Variants in TSC22D1 observed in about 807,000 individuals in gnomAD.
TSC22D1 encodes TSC22 domain family protein 1.
A neutral mutation model predicts 74.2 loss-of-function variants in TSC22D1; 9 were observed. The ratio of observed to expected loss-of-function variants is 0.12; its 90% confidence interval spans 0.07 to 0.21. The LOEUF is 0.21. Among genes scored for constraint, TSC22D1 ranks in the 10% least tolerant of loss-of-function variants. The pLI is 1.00. For synonymous variants in TSC22D1, 586 were observed against 492.5 expected (o/e 1.19, Z -2.51); for missense variants, 1,427 against 1,304.7 (o/e 1.09, Z -1.44).
At chr13:44,489,206 C>CAAAAAAAAAA (rs34867283) in intron 1 of TSC22D1, among the ~76,000 whole-genome samples, 1 of 134,690 alleles carries the variant, frequency 7.4e-6, no homozygotes. Flanking sequence ...TCATTTCATG[C>CAAAAAAAAAA]AAAAAAAAAA....
intron 1 of TSC22D1, among the ~76,000 whole-genome samples, chr13:44,495,704 C>T (rs534403820): frequency 1.6e-4 from 24 of 152,114 alleles, no homozygotes; most frequent in Non-Finnish European, 2.6e-4. Context: ...TAAACACCTA[C>T]ATCTACAACC....
rs1884089854 is a variant in TSC22D1, at chr13:44,574,861, G to A, written c.1214C>T (p.Ser405Leu). 2 of 1,614,018 alleles carry A rather than the reference G, an allele frequency of 1.2e-6. No individual in the cohort carries two copies. Among genetic ancestry groups the A allele is most frequent in the Non-Finnish European group, 1.7e-6 (2 of 1,180,006 alleles). The change falls in exon 1 of 3, where the codon TCG becomes TTG. Residue 405 changes from serine (S) to leucine (L), a missense_variant. This residue lies in a region of TSC22D1 where 1,343 missense variants were observed against 1,191.5 expected (regional missense o/e 1.13). Coordinates refer to ENST00000458659, the MANE Select transcript of TSC22D1 (RefSeq NM_183422.4). ...SQQQQPTVNT[S>L]RFRVVKLDSS... ...ATCTAACTTCACAACTCTGAACCTC[G>A]AAGTGTTAACTGTTGGTTGTTGCTG...
intron 1 of TSC22D1, among the ~76,000 whole-genome samples, chr13:44,533,130 T>C (rs373337243): frequency 3.3e-5 from 5 of 152,030 alleles, no homozygotes; most frequent in African/African-American, 1.2e-4. Flanking sequence ...CAAGTAAAAA[T>C]GGCATGGGAG....
At chr13:44,439,986 G>A (rs1269053374) in intron 1 of TSC22D1, among the ~76,000 whole-genome samples, 1 of 152,120 alleles carries the variant, frequency 6.6e-6, no homozygotes, top group East Asian at 1.9e-4. Context: ...AAGAAGCGAA[G>A]GCACATTACC....
chr13:44,526,834 A>G (rs745617206), intron 1 of TSC22D1, among the ~76,000 whole-genome samples: 22 of 152,226 alleles, frequency 1.4e-4, no homozygotes, highest in Non-Finnish European at 2.6e-4. Context: ...ACAGAGGCAG[A>G]AAGTTTGGAG....
At chr13:44,495,091 T>C (rs1189371067) in intron 1 of TSC22D1, among the ~76,000 whole-genome samples, 1 of 151,492 alleles carries the variant, frequency 6.6e-6, no homozygotes, top group East Asian at 1.9e-4. Flanking sequence ...TGAAGAAAAA[T>C]GAATGGAGGC....
At chr13:44,446,547 T>G (rs1308278453) in intron 1 of TSC22D1, among the ~76,000 whole-genome samples, 3 of 152,124 alleles carry the variant, frequency 2.0e-5, no homozygotes, top group African/African-American at 7.2e-5. Flanking sequence ...CGTTCACCAC[T>G]TGGGCAACGG....
chr13:44,508,399 C>T (rs1392348668), intron 1 of TSC22D1, among the ~76,000 whole-genome samples: 2 of 152,090 alleles, frequency 1.3e-5, no homozygotes, highest in African/African-American at 4.8e-5. Flanking sequence ...CTTAACTTTT[C>T]CATGGAGTAA....
intron 1 of TSC22D1, among the ~76,000 whole-genome samples, chr13:44,494,610 G>A (rs529417966): frequency 2.6e-5 from 4 of 151,648 alleles, no homozygotes; most frequent in African/African-American, 9.7e-5. Context: ...ACCCACACAA[G>A]CAACAAAAAC....
intron 1 of TSC22D1, among the ~76,000 whole-genome samples, chr13:44,467,592 A>T (rs1877363903): frequency 6.6e-6 from 1 of 152,224 alleles, no homozygotes; most frequent in African/African-American, 2.4e-5. Context: ...GGATATGAAT[A>T]GATATTTCTC....
chr13:44,529,123 T>C (rs1010928280), intron 1 of TSC22D1, among the ~76,000 whole-genome samples: 6 of 151,978 alleles, frequency 3.9e-5, no homozygotes, highest in African/African-American at 1.4e-4. Flanking sequence ...AAAAAGATAA[T>C]ACTAGAAAGG....
intron 1 of TSC22D1, chr13:44,437,334 C>T: frequency 1.1e-6 from 1 of 874,558 alleles, no homozygotes; most frequent in Non-Finnish European, 1.4e-6. Flanking sequence ...CTAGTTCTTA[C>T]CGGCAGCGGT....
At chr13:44,455,648 C>G (rs943088939) in intron 1 of TSC22D1, among the ~76,000 whole-genome samples, 10 of 152,142 alleles carry the variant, frequency 6.6e-5, no homozygotes, top group African/African-American at 2.4e-4. Context: ...AATTTAAGCA[C>G]TAGATATGCA....
At position 44,451,901 on chromosome 13, in the gene TSC22D1, G is replaced by A. The variant is rs117995874; in HGVS notation, c.2913-15806C>T. Among the ~76,000 whole-genome samples, 8 of 152,336 alleles carry A rather than the reference G, an allele frequency of 5.3e-5. No individual in the cohort carries two copies. In the East Asian group the frequency reaches 1.5e-3, roughly 29 times the overall value. Reference sequence around the variant, plus strand: ...GACATCCGCCATGGCTGACCGAGGAGAGGACTGCAAACTCACCAAGGGCTC... The same window carrying A: ...GACATCCGCCATGGCTGACCGAGGAAAGGACTGCAAACTCACCAAGGGCTC... On this transcript the variant is annotated intron_variant, in intron 1 of 2. Coordinates refer to ENST00000458659, the MANE Select transcript of TSC22D1 (RefSeq NM_183422.4).
intron 1 of TSC22D1, among the ~76,000 whole-genome samples, chr13:44,515,143 G>A (rs1305610418): frequency 6.6e-6 from 1 of 152,050 alleles, no homozygotes. Context: ...TTTAACTTAT[G>A]AATATATATA....
At chr13:44,561,237 C>T (rs917420641) in intron 1 of TSC22D1, among the ~76,000 whole-genome samples, 1 of 152,128 alleles carries the variant, frequency 6.6e-6, no homozygotes, top group African/African-American at 2.4e-5. Flanking sequence ...TGATTCAAAC[C>T]ATTATCTCAG....
At chr13:44,509,470 C>T (rs1423469167) in intron 1 of TSC22D1, among the ~76,000 whole-genome samples, 1 of 152,196 alleles carries the variant, frequency 6.6e-6, no homozygotes, top group Non-Finnish European at 1.5e-5. Context: ...GAAACCCCGT[C>T]TCTATTAAAA....
intron 1 of TSC22D1, among the ~76,000 whole-genome samples, chr13:44,514,195 A>G (rs1361452334): frequency 6.6e-6 from 1 of 152,220 alleles, no homozygotes; most frequent in Non-Finnish European, 1.5e-5. Context: ...GCAAAAAAAT[A>G]CAATTGAATC....
intron 1 of TSC22D1, among the ~76,000 whole-genome samples, chr13:44,552,522 G>A (rs1244097906): frequency 6.6e-6 from 1 of 152,098 alleles, no homozygotes; most frequent in Non-Finnish European, 1.5e-5. Flanking sequence ...CCCCCACTAA[G>A]GTCTGCAAAC....
Sources: allele counts gnomAD v4.1 joint callset (sites outside exome capture counted in the v4.1 genomes callset), GRCh38; gene constraint gnomAD v4.1.1; regional missense constraint gnomAD v4.1.1; transcripts MANE v1.5; gene names NCBI Gene and HGNC (gene_info 2026-07-23, HGNC 2026-07-21).